NLGN1: variants seen among roughly 807,000 people sequenced by gnomAD.
The protein encoded by NLGN1 is neuroligin-1.
NLGN1 carries 12 observed loss-of-function variants against 65.5 expected under a neutral mutation model. The observed-to-expected ratio is 0.18, with a 90% CI of 0.12 to 0.30. The LOEUF is 0.30. NLGN1 is among the 10% of genes least tolerant of loss of function. The pLI is 1.00. For missense variants in NLGN1, 750 were observed against 1,007.1 expected (o/e 0.74, Z 3.46); for synonymous variants, 350 against 359.5 (o/e 0.97, Z 0.30).
At chr3:174,094,447 T>G (rs1745085522) in intron 4 of NLGN1, among the ~76,000 whole-genome samples, 2 of 152,060 alleles carry the variant, frequency 1.3e-5, no homozygotes, top group African/African-American at 4.8e-5. Flanking sequence ...AACTTTTTTT[T>G]TTTTTTGAGA....
intron 4 of NLGN1, among the ~76,000 whole-genome samples, chr3:174,050,612 CAG>C (rs1459284596): frequency 7.2e-5 from 11 of 152,006 alleles, no homozygotes; most frequent in African/African-American, 2.7e-4. Flanking sequence ...TGGCCTGGTG[CAG>C]AGAGTACTCT....
At chr3:173,444,391 T>C (rs1267939415) in intron 2 of NLGN1, among the ~76,000 whole-genome samples, 1 of 152,152 alleles carries the variant, frequency 6.6e-6, no homozygotes, top group East Asian at 1.9e-4. Context: ...TCTGCTTGAA[T>C]GAAATGAGCA....
chr3:173,849,910 A>G lies in NLGN1; in HGVS notation c.646+42078A>G, dbSNP rs551490126. ...TTCATTGATACCACTGTGAGCTCAA[A>G]TGTAATACAGTAATATACTATAATA... On this transcript the variant is annotated intron_variant, in intron 4 of 6. Transcript: ENST00000457714. Among the ~76,000 whole-genome samples the G allele has an allele frequency of 6.1e-4, 93 of 152,256 alleles. No homozygotes were observed. The South Asian group carries it at 0.019, about 31-fold the overall frequency.
At chr3:173,860,826 A>G (rs1342471585) in intron 4 of NLGN1, among the ~76,000 whole-genome samples, 1 of 152,138 alleles carries the variant, frequency 6.6e-6, no homozygotes, top group Non-Finnish European at 1.5e-5. Flanking sequence ...TGCTTTCTCT[A>G]TGTCAAAATA....
intron 3 of NLGN1, among the ~76,000 whole-genome samples, chr3:173,736,383 T>C (rs1256829716): frequency 1.3e-5 from 2 of 152,048 alleles, no homozygotes; most frequent in Non-Finnish European, 2.9e-5. Context: ...GAAAAACATA[T>C]GCACAGTTTG....
rs1032947571 is a variant in NLGN1 at position 173,498,885 on chromosome 3, A to G, written c.-321+63807A>G. On this transcript the variant is annotated intron_variant, in intron 2 of 6. Transcript: ENST00000457714. ...AAGTGTCTGTTCATATCCTTCGCCC[A>G]CTTTTTGATGGGGTTGTTTGTTTTT... Among the ~76,000 whole-genome samples the G allele has an allele frequency of 9.9e-5, 15 of 151,798 alleles. 1 individual carries two copies. The highest frequency in any genetic ancestry group is 2.0e-4 in the Admixed American group (3 of 15,274).
At chr3:174,159,160 A>G (rs1726030479) in intron 4 of NLGN1, among the ~76,000 whole-genome samples, 1 of 151,704 alleles carries the variant, frequency 6.6e-6, no homozygotes, top group African/African-American at 2.4e-5. Flanking sequence ...TCCCTAGGAA[A>G]TGGCTACTAC....
At chr3:173,909,733 G>T (rs1219520545) in intron 4 of NLGN1, among the ~76,000 whole-genome samples, 1 of 152,082 alleles carries the variant, frequency 6.6e-6, no homozygotes, top group Non-Finnish European at 1.5e-5. Flanking sequence ...AGGCTGGAGT[G>T]CAATGGCATG....
chr3:174,061,784 A>G (rs1462380973), intron 4 of NLGN1, among the ~76,000 whole-genome samples: 1 of 152,166 alleles, frequency 6.6e-6, no homozygotes, highest in Non-Finnish European at 1.5e-5. Flanking sequence ...AAAGTGCAGA[A>G]GCTCCAGTTA....
chr3:173,783,867 A>G (rs1205967976), intron 3 of NLGN1, among the ~76,000 whole-genome samples: 1 of 152,108 alleles, frequency 6.6e-6, no homozygotes, highest in African/African-American at 2.4e-5. Context: ...TGCCCACCTC[A>G]GCCTCCCAAA....
chr3:173,683,055 TAC>T (rs756354072), intron 3 of NLGN1, among the ~76,000 whole-genome samples: 3 of 152,210 alleles, frequency 2.0e-5, no homozygotes, highest in Non-Finnish European at 2.9e-5. Context: ...ACATTCTGTA[TAC>T]AGCGTGCATT....
At chr3:173,549,399 A>G (rs111877359) in intron 2 of NLGN1, among the ~76,000 whole-genome samples, 1,661 of 152,138 alleles carry the variant, frequency 0.011, 27 homozygotes, top group African/African-American at 0.034. Flanking sequence ...ATAGGTGTAT[A>G]TATGTATGGG....
chr3:173,677,967 A>T (rs1357004219), intron 3 of NLGN1, among the ~76,000 whole-genome samples: 1 of 152,104 alleles, frequency 6.6e-6, no homozygotes, highest in Non-Finnish European at 1.5e-5. Flanking sequence ...TTTAATTTTC[A>T]GTTATCTATA....
intron 2 of NLGN1, among the ~76,000 whole-genome samples, chr3:173,580,124 C>CA (rs958693105): frequency 6.6e-5 from 10 of 151,186 alleles, no homozygotes; most frequent in Non-Finnish European, 1.2e-4. Flanking sequence ...TATGATTTTT[C>CA]AAAAAAAACC....
At chr3:173,893,127 C>T (rs1483623903) in intron 4 of NLGN1, among the ~76,000 whole-genome samples, 1 of 152,120 alleles carries the variant, frequency 6.6e-6, no homozygotes, top group African/African-American at 2.4e-5. Context: ...GCACCTCAAA[C>T]CCAGCATATC....
chr3:173,667,146 G>C (rs1348540013), intron 3 of NLGN1, among the ~76,000 whole-genome samples: 1 of 151,762 alleles, frequency 6.6e-6, no homozygotes, highest in Admixed American at 6.6e-5. Context: ...ATATAGCTTT[G>C]TGTGATGTAA....
intron 4 of NLGN1, among the ~76,000 whole-genome samples, chr3:174,083,856 G>T (rs1465868546): frequency 6.6e-6 from 1 of 151,774 alleles, no homozygotes; most frequent in Non-Finnish European, 1.5e-5. Context: ...TGAAAAAAAA[G>T]AGCTGATAGC....
chr3:173,775,414 T>G (rs2150289607), intron 3 of NLGN1, among the ~76,000 whole-genome samples: 1 of 152,234 alleles, frequency 6.6e-6, no homozygotes, highest in Admixed American at 6.5e-5. Flanking sequence ...AGACCTGAAT[T>G]TGAACCCTTG....
intron 4 of NLGN1, among the ~76,000 whole-genome samples, chr3:174,131,150 G>T (rs1720099028): frequency 1.3e-5 from 2 of 152,118 alleles, no homozygotes; most frequent in African/African-American, 4.8e-5. Context: ...CAGATACTAT[G>T]ATGCCCTTGC....
Sources: gnomAD v4.1 joint callset for allele counts (sites outside exome capture counted in the v4.1 genomes callset) on GRCh38, gnomAD v4.1.1 for gene constraint, MANE v1.5 for transcripts, NCBI Gene and HGNC (gene_info 2026-07-23, HGNC 2026-07-21) for gene names.